Variants in DHX35 observed in about 807,000 individuals in gnomAD.
DHX35 encodes the protein DEAH-box helicase 35, also known as probable ATP-dependent RNA helicase DHX35.
In DHX35, 84 loss-of-function variants were observed where a neutral mutation model predicts 99.6. The ratio of observed to expected loss-of-function variants is 0.84; its 90% confidence interval spans 0.71 to 1.01. The LOEUF is 1.01. Ranked by LOEUF, DHX35 falls within the 50% of genes least tolerant of loss-of-function variation. DHX35 has a pLI of 0.00. For synonymous variants in DHX35, 331 were observed against 316.2 expected, an observed-to-expected ratio of 1.05 and a Z score of -0.50; for missense variants, 852 against 888.5, an observed-to-expected ratio of 0.96 and a Z score of 0.52.
intron 3 of DHX35, chr20:38,978,025 A>C: frequency 2.8e-6 from 2 of 723,920 alleles, no homozygotes; most frequent in Non-Finnish European, 5.1e-6. Context: ...TAAGAATTTC[A>C]CATCTTCTTC....
At chr20:38,971,994 GTTTTGTTTTGTTTT>G (rs1199364691) in intron 2 of DHX35, among the ~76,000 whole-genome samples, 1 of 112,044 alleles carries the variant, frequency 8.9e-6, no homozygotes, top group African/African-American at 3.3e-5. Context: ...TGTTTTTTTT[GTTTTGTTTTGTTTT>G]TTTTTTTTTT....
At chr20:38,970,548 G>C (rs1470298894) in intron 2 of DHX35, among the ~76,000 whole-genome samples, 1 of 152,220 alleles carries the variant, frequency 6.6e-6, no homozygotes, top group African/African-American at 2.4e-5. Context: ...TCTGGAGCTA[G>C]ACTTCAGGGT....
intron 18 of DHX35, among the ~76,000 whole-genome samples, chr20:39,026,005 G>A (rs1006627411): frequency 3.9e-5 from 6 of 152,142 alleles, no homozygotes; most frequent in East Asian, 1.9e-4. Flanking sequence ...TCAGGACCAC[G>A]CAACTGGTAA....
intron 12 of DHX35, among the ~76,000 whole-genome samples, chr20:39,008,508 G>T (rs1316534191): frequency 6.6e-6 from 1 of 152,216 alleles, no homozygotes; most frequent in African/African-American, 2.4e-5. Context: ...GGATTTGGGT[G>T]AAAAGTCACT....
intron 1 of DHX35, 70 bp from the exon 2 acceptor site, chr20:38,969,011 G>A (rs1427581468): frequency 1.4e-6 from 2 of 1,469,962 alleles, no homozygotes; most frequent in Non-Finnish European, 1.8e-6. Flanking sequence ...ATCTTTGAAA[G>A]TTTATAAACT....
At chr20:38,972,001 T>TTTTTTTTTTC (rs2086006260) in intron 2 of DHX35, among the ~76,000 whole-genome samples, 1 of 138,314 alleles carries the variant, frequency 7.2e-6, no homozygotes, top group Non-Finnish European at 1.5e-5. Flanking sequence ...TTTGTTTTGT[T>TTTTTTTTTTC]TTGTTTTTTT....
At chr20:39,038,368 C>A in intron 21 of DHX35, 131 bp from the exon 22 acceptor site, 1 of 1,032,352 alleles carries the variant, frequency 9.7e-7, no homozygotes, top group Non-Finnish European at 1.4e-6. Flanking sequence ...GTTTCATGAA[C>A]AGCTCAGCAT....
At chr20:38,986,358 A>G (rs940631930) in intron 4 of DHX35, among the ~76,000 whole-genome samples, 19 of 152,188 alleles carry the variant, frequency 1.2e-4, no homozygotes, top group Non-Finnish European at 2.4e-4. Context: ...AAATAATAAA[A>G]ATTTAAAAAT....
At chr20:38,967,412 A>G (rs913564946) in intron 1 of DHX35, among the ~76,000 whole-genome samples, 4 of 152,158 alleles carry the variant, frequency 2.6e-5, no homozygotes, top group Admixed American at 2.0e-4. Flanking sequence ...GAGGATTTTT[A>G]TTCATTTACA....
In DHX35 at chr20:39,004,019, T is replaced by C. The variant is rs149752646; in HGVS notation, c.1011+112T>C. On this transcript the variant is annotated intron_variant, in intron 11 of 21. Transcript: ENST00000252011. ...CAAGGCAGACTTCTAGGTCCATATT[T>C]CTGTGTAGTAGATCTAAAAGCACAC... The C allele has an allele frequency of 5.0e-5, 61 of 1,218,482 alleles. No homozygotes were observed. In the Middle Eastern group the frequency reaches 1.6e-3, roughly 32 times the overall value. The allele number at this position is 1,218,482 out of a possible 1,614,324, so 75.5% of individuals were successfully genotyped here.
chr20:39,013,106 A>G (rs1158992220), intron 13 of DHX35, among the ~76,000 whole-genome samples: 2 of 152,124 alleles, frequency 1.3e-5, no homozygotes, highest in South Asian at 4.1e-4. Flanking sequence ...AAATTATCGT[A>G]AAACTTTTGG....
At chr20:38,995,871 C>G (rs1407572630) in intron 8 of DHX35, among the ~76,000 whole-genome samples, 1 of 152,192 alleles carries the variant, frequency 6.6e-6, no homozygotes, top group African/African-American at 2.4e-5. Context: ...TAAGTGAAAT[C>G]ACAGGGACAT....
chr20:38,962,512 C>A, intron 1 of DHX35, 105 bp downstream of exon 1: 1 of 1,421,410 alleles, frequency 7.0e-7, no homozygotes, highest in Non-Finnish European at 9.6e-7. Context: ...GGCCTGACCT[C>A]GGCGAGCTGG....
intron 13 of DHX35, among the ~76,000 whole-genome samples, chr20:39,014,622 T>A (rs990463254): frequency 6.6e-6 from 1 of 152,020 alleles, no homozygotes; most frequent in Non-Finnish European, 1.5e-5. Context: ...ACCTATCACG[T>A]CTGATGGAGG....
chr20:39,025,356 G>T lies in DHX35; in HGVS notation c.1798G>T (p.Glu600Ter), dbSNP rs1242204828. Residue 600 changes from glutamate to a stop codon, truncating the protein, a stop_gained, in exon 18 of 22, where the codon GAA (glutamate) becomes TAA (stop). Transcript: ENST00000252011. LOFTEE classifies it high-confidence loss of function. ...GTTTCAAGTGCCCAGGAAGTCTAGTGAAGGTGAGAAGAAACCGTCCCAGCT... is the reference window on the plus strand; with the variant it reads ...GTTTCAAGTGCCCAGGAAGTCTAGTTAAGGTGAGAAGAAACCGTCCCAGCT... ...VKFQVPRKSSEGDPDLVLRCI... is the reference protein window; with the variant it reads ...VKFQVPRKSS The T allele has an allele frequency of 6.2e-6, 10 of 1,613,098 alleles. No homozygotes were observed. The highest frequency in any genetic ancestry group is 7.6e-6 in the Non-Finnish European group (9 of 1,179,484).
intron 14 of DHX35, among the ~76,000 whole-genome samples, chr20:39,015,500 C>CTT (rs2086770710): frequency 6.7e-6 from 1 of 148,258 alleles, no homozygotes; most frequent in African/African-American, 2.5e-5. Flanking sequence ...TTGTCCCAAC[C>CTT]TTAATAGCGT....
chr20:38,994,804 A>G lies in DHX35; in HGVS notation c.583-17A>G, dbSNP rs1158893417. ...TGTTGCACTATTATCATTATTTCCA[A>G]ATGTCTTCTTTTTTAGATTCAGAAA... On this transcript the variant is annotated splice_polypyrimidine_tract_variant and intron_variant, in intron 7 of 21. Transcript: ENST00000252011. The G allele has an allele frequency of 1.2e-6, 2 of 1,608,172 alleles. No homozygotes were observed. Among genetic ancestry groups the G allele is most frequent in the Admixed American group, 1.7e-5 (1 of 59,984 alleles).
At chr20:39,001,977 A>G in intron 9 of DHX35, 135 bp downstream of exon 9, 1 of 769,416 alleles carries the variant, frequency 1.3e-6, no homozygotes, top group Non-Finnish European at 2.2e-6. Flanking sequence ...ATTGGTCTAG[A>G]ATGTTCTTAC....
chr20:38,983,946 G>A (rs2086212906), intron 4 of DHX35, among the ~76,000 whole-genome samples, 170 bp downstream of exon 4: 1 of 152,096 alleles, frequency 6.6e-6, no homozygotes, highest in Non-Finnish European at 1.5e-5. Context: ...GTCTCACTCT[G>A]TTGCCCAGGC....
Sources: gnomAD v4.1 joint callset for allele counts (sites outside exome capture counted in the v4.1 genomes callset) on GRCh38, gnomAD v4.1.1 for gene constraint, MANE v1.5 for transcripts, NCBI Gene and HGNC (gene_info 2026-07-23, HGNC 2026-07-21) for gene names.